The following FAT4 variants were observed in gnomAD, a reference collection of about 807,000 sequenced individuals.
FAT4 encodes the protein protocadherin Fat 4.
In FAT4, 84 loss-of-function variants were observed where a neutral mutation model predicts 303.9. That is an observed-to-expected ratio of 0.28 (90% CI 0.23 to 0.33). The LOEUF (loss-of-function observed/expected upper bound fraction) is 0.33, where lower values mean the gene tolerates loss of function less well. FAT4 is among the 10% of genes least tolerant of loss of function. The pLI, the probability that FAT4 is intolerant of heterozygous loss-of-function variation, is 1.00. For missense variants in FAT4, 6,005 were observed against 6,146.8 expected (o/e 0.98, Z 0.77); for synonymous variants, 2,307 against 2,298.8 (o/e 1.00, Z -0.10).
chr4:125,394,040 C>T, intron 2 of FAT4: 1 of 772,562 alleles, frequency 1.3e-6, no homozygotes, highest in Non-Finnish European at 2.4e-6. Flanking sequence ...TACATTTCTT[C>T]TAATTGTAGC....
At chr4:125,322,958 G>T (rs1246123862) in intron 2 of FAT4, among the ~76,000 whole-genome samples, 1 of 151,890 alleles carries the variant, frequency 6.6e-6, no homozygotes, top group African/African-American at 2.4e-5. Flanking sequence ...GGGCTTATAT[G>T]TTGAGCTATT....
At position 125,451,056 on chromosome 4, in the gene FAT4, A is replaced by C. The variant is rs1454140109; in HGVS notation, c.10046A>C (p.Gln3349Pro). The C allele has an allele frequency of 1.2e-6, 2 of 1,614,122 alleles. No homozygotes were observed. The highest frequency in any genetic ancestry group is 2.2e-5 in the East Asian group (1 of 44,854). ...GGTAATAGTCGAAAGAAGGGTTTCC[A>C]GATCAATAAGAAGACTGGACAGATT... ...IFGNSRKKGF[Q>P]INKKTGQIYV... Residue 3349 changes from glutamine to proline, a missense_variant, in exon 10 of 18, where the codon CAG becomes CCG. Gln to Pro is a moderately conservative substitution (Grantham distance 76). Coordinates refer to ENST00000394329, the MANE Select transcript of FAT4 (RefSeq NM_001291303.3).
Position 125,450,162 on chromosome 4 carries a change from C to A in FAT4, c.9152C>A (p.Ser3051Tyr), listed in dbSNP as rs866162018. The stretch of plus-strand genomic sequence containing the variant: ...ATTTCAGTAGCATCCTCCCTGATTT[C>A]TGACTTGAACCAAAACTTTTTTATC... ...GWISVASSLI[S>Y]DLNQNFFITV... The change falls in exon 10 of 18, where the codon TCT becomes TAT. Residue 3051 changes from serine (S) to tyrosine (Y), a missense_variant. By Grantham distance (144) the Ser-to-Tyr change is moderately radical (BLOSUM62 -2). Transcript: ENST00000394329. The A allele has an allele frequency of 1.5e-5, 25 of 1,613,612 alleles. No individual in the cohort carries two copies. The Middle Eastern group carries it at 2.0e-3, about 127-fold the overall frequency.
chr4:125,404,693 T>A (rs1734520349), intron 3 of FAT4, among the ~76,000 whole-genome samples: 1 of 152,164 alleles, frequency 6.6e-6, no homozygotes, highest in Non-Finnish European at 1.5e-5. Flanking sequence ...CTTGCATAAG[T>A]GAAGATGTAT....
chr4:125,444,457 T>A (rs1725759349), intron 8 of FAT4, among the ~76,000 whole-genome samples: 1 of 152,102 alleles, frequency 6.6e-6, no homozygotes. Context: ...ACCCTGATGG[T>A]CTAATTCACC....
Position 125,315,054 on chromosome 4 carries a change from C to CTGTG in FAT4, c.-923_-920dup, listed in dbSNP as rs147797766. ...CCTCTGTTTGTGTTTCGGCGACGCG[C>CTGTG]TGTGTGTGTGTGTGTGCGTGTGTAT... On this transcript the variant is annotated 5_prime_UTR_variant, in exon 1 of 18. Transcript: ENST00000394329. 6.6e-6 allele frequency among the ~76,000 whole-genome samples: 1 copy of CTGTG among 150,944 alleles called. No individual in the cohort carries two copies.
intron 2 of FAT4, among the ~76,000 whole-genome samples, chr4:125,348,073 C>A (rs1455736881): frequency 6.6e-6 from 1 of 151,770 alleles, no homozygotes; most frequent in Non-Finnish European, 1.5e-5. Context: ...AGTCCCTGAA[C>A]TAGCTCATGA....
At position 125,446,324 on chromosome 4, in the gene FAT4, A is replaced by T. The variant is rs147297895; in HGVS notation, c.7231A>T (p.Thr2411Ser). The change falls in exon 9 of 18, where the codon ACG (threonine) becomes TCG (serine). Residue 2411 changes from threonine (T) to serine (S), a missense_variant. Transcript: ENST00000394329. ...GATCATCGGTGGAAACTCTCAGTTC[A>T]CGATCAACCCATCGACAGGACAAAT... Reference protein sequence around the residue: ...YRIIGGNSQFTINPSTGQIIT... With the variant: ...YRIIGGNSQFSINPSTGQIIT... 1.5e-4 allele frequency: 246 copies of T among 1,613,158 alleles called. No homozygotes were observed. The African/African-American group carries it at 3.2e-3, about 21-fold the overall frequency.
At chr4:125,456,970 A>G (rs1388934601) in intron 10 of FAT4, among the ~76,000 whole-genome samples, 1 of 152,172 alleles carries the variant, frequency 6.6e-6, no homozygotes, top group East Asian at 1.9e-4. Flanking sequence ...ATTTTAAATT[A>G]CTGTATTTTT....
At chr4:125,404,200 A>G (rs371206846) in intron 3 of FAT4, among the ~76,000 whole-genome samples, 4 of 152,054 alleles carry the variant, frequency 2.6e-5, no homozygotes, top group South Asian at 2.1e-4. Flanking sequence ...AGGGACTTTC[A>G]TTTTACAGAA....
In FAT4 at chr4:125,317,225, G is replaced by A. The variant is rs1369003916; in HGVS notation, c.814G>A (p.Val272Met). 1.3e-6 allele frequency: 2 copies of A among 1,583,170 alleles called. No individual in the cohort carries two copies. The part of the protein sequence containing the change: ...DAVVGSSVLQ[V>M]AAADADEGTN... ...GGTTGTGGGTTCCAGCGTCCTCCAG[G>A]TGGCGGCGGCGGACGCGGACGAGGG... Residue 272 changes from valine (V) to methionine (M), a missense_variant, in exon 2 of 18, where the codon GTG becomes ATG. By Grantham distance (21) the Val-to-Met change is conservative. Coordinates refer to ENST00000394329, the MANE Select transcript of FAT4 (RefSeq NM_001291303.3). This position sits in a 1 kb window ranked among gnomAD's most constrained non-coding sequence, Gnocchi z 7.0.
At position 125,417,020 on chromosome 4, in the gene FAT4, A is replaced by G. The variant is rs186053772; in HGVS notation, c.7018+398A>G. ...TGAAGTATTTTCTGTTTGCCATTAA[A>G]TGAAATATTTGTTCACTTTTACTAA... is the stretch of plus-strand genomic sequence containing the variant. On this transcript the variant is annotated intron_variant, in intron 7 of 17. Coordinates refer to ENST00000394329, the MANE Select transcript of FAT4 (RefSeq NM_001291303.3). 2.4e-3 allele frequency among the ~76,000 whole-genome samples: 365 copies of G among 152,304 alleles called. 4 individuals are homozygous for G. Among genetic ancestry groups the G allele is most frequent in the Admixed American group, 8.0e-3 (123 of 15,292 alleles).
At chr4:125,396,958 A>G (rs1220407526) in intron 2 of FAT4, among the ~76,000 whole-genome samples, 1 of 81,178 alleles carries the variant, frequency 1.2e-5, no homozygotes, top group Non-Finnish European at 2.7e-5. Flanking sequence ...ATATATATAT[A>G]TATATATAAA....
At chr4:125,383,201 T>C (rs748552268) in intron 2 of FAT4, among the ~76,000 whole-genome samples, 3 of 152,236 alleles carry the variant, frequency 2.0e-5, no homozygotes, top group Non-Finnish European at 4.4e-5. Context: ...TTACCTTGGC[T>C]TTCAACTTAT....
chr4:125,331,647 T>C (rs2125958256), intron 2 of FAT4, among the ~76,000 whole-genome samples: 1 of 152,298 alleles, frequency 6.6e-6, no homozygotes, highest in East Asian at 1.9e-4. Context: ...TCCTTCAACC[T>C]TATCTAATTT....
chr4:125,380,354 TG>T (rs1733494339), intron 2 of FAT4, among the ~76,000 whole-genome samples: 1 of 152,182 alleles, frequency 6.6e-6, no homozygotes, highest in Non-Finnish European at 1.5e-5. Context: ...AAGGCTATGT[TG>T]AGGTTCTTAC....
At chr4:125,349,657 C>G (rs1403854968) in intron 2 of FAT4, among the ~76,000 whole-genome samples, 2 of 151,460 alleles carry the variant, frequency 1.3e-5, no homozygotes, top group Non-Finnish European at 3.0e-5. Flanking sequence ...AATATATATG[C>G]CCACTTTTAA....
At chr4:125,378,030 A>G (rs1733397545) in intron 2 of FAT4, among the ~76,000 whole-genome samples, 1 of 151,656 alleles carries the variant, frequency 6.6e-6, no homozygotes. Flanking sequence ...ATAAGGCACA[A>G]TTACCTTTCT....
chr4:125,357,220 T>G (rs1440004659), intron 2 of FAT4, among the ~76,000 whole-genome samples: 1 of 152,094 alleles, frequency 6.6e-6, no homozygotes, highest in Non-Finnish European at 1.5e-5. Flanking sequence ...TTTAGGGAGT[T>G]ATGAGAAATA....
Sources: gnomAD v4.1 joint callset for allele counts (sites outside exome capture counted in the v4.1 genomes callset) on GRCh38, gnomAD v4.1.1 for gene constraint, Gnocchi (gnomAD v3.1) non-coding constraint, MANE v1.5 for transcripts, NCBI Gene and HGNC (gene_info 2026-07-23, HGNC 2026-07-21) for gene names.